Variants in CHRM3 observed in about 807,000 individuals in gnomAD.
The protein encoded by CHRM3 is muscarinic acetylcholine receptor M3.
A neutral mutation model predicts 41.8 loss-of-function variants in CHRM3; 11 were observed. The ratio of observed to expected loss-of-function variants is 0.26; its 90% CI spans 0.17 to 0.44. CHRM3 has a LOEUF of 0.44. Among genes scored for constraint, CHRM3 ranks in the 20% least tolerant of loss-of-function variants. The pLI, the probability that CHRM3 is intolerant of heterozygous loss-of-function variation, is 1.00. For synonymous variants in CHRM3, 297 were observed against 301.4 expected (o/e 0.99, Z 0.15); for missense variants, 571 against 745.4 (o/e 0.77, Z 2.72).
intron 4 of CHRM3, among the ~76,000 whole-genome samples, chr1:239,672,987 A>G (rs574607730): frequency 7.2e-4 from 110 of 152,270 alleles, no homozygotes; most frequent in African/African-American, 2.6e-3. Context: ...TTAGGGCACC[A>G]TGTGAGACTC....
At chr1:239,639,671 A>G (rs565448842) in intron 4 of CHRM3, among the ~76,000 whole-genome samples, 2,842 of 151,528 alleles carry the variant, frequency 0.019, 33 homozygotes, top group Non-Finnish European at 0.03. Context: ...GGGCTGAGAC[A>G]ATGGGGTTTT....
At chr1:239,528,502 G>C (rs184741898) in intron 2 of CHRM3, among the ~76,000 whole-genome samples, 136 of 152,282 alleles carry the variant, frequency 8.9e-4, no homozygotes, top group African/African-American at 3.2e-3. Flanking sequence ...ACATTCCAAA[G>C]CATGACTGAA....
At chr1:239,472,835 A>G (rs1558248859) in intron 1 of CHRM3, among the ~76,000 whole-genome samples, 2 of 152,246 alleles carry the variant, frequency 1.3e-5, no homozygotes, top group East Asian at 3.9e-4. Flanking sequence ...GCACATGTTT[A>G]TCTTTGTAAC....
chr1:239,500,450 A>C (rs1197132110), intron 2 of CHRM3, among the ~76,000 whole-genome samples: 4 of 147,122 alleles, frequency 2.7e-5, no homozygotes, highest in African/African-American at 1.0e-4. Flanking sequence ...GGAACATCAC[A>C]TACCAGGGCC....
chr1:239,842,253 G>A (rs115059053), intron 6 of CHRM3, among the ~76,000 whole-genome samples: 2,458 of 145,530 alleles, frequency 0.017, 74 homozygotes, highest in African/African-American at 0.059. Context: ...ACAGAGTCCC[G>A]CTGTGTCACC....
At chr1:239,608,618 T>C (rs1416980661) in intron 3 of CHRM3, among the ~76,000 whole-genome samples, 1 of 152,148 alleles carries the variant, frequency 6.6e-6, no homozygotes, top group Non-Finnish European at 1.5e-5. Flanking sequence ...ACATTTCGTA[T>C]CTTTGAGCAC....
At chr1:239,477,849 A>C (rs1666570230) in intron 1 of CHRM3, among the ~76,000 whole-genome samples, 1 of 152,208 alleles carries the variant, frequency 6.6e-6, no homozygotes, top group Non-Finnish European at 1.5e-5. Context: ...ACCCCTTGGA[A>C]GTACTCTGGA....
rs530125902 is a variant in CHRM3, at chr1:239,581,398, C to G, written c.-313+35649C>G. On this transcript the variant is annotated intron_variant, in intron 3 of 6. Coordinates refer to ENST00000676153, the MANE Select transcript of CHRM3 (RefSeq NM_001375978.1). ...GACAAAGTTAGGATTCAAATACGGG[C>G]CTGTTTAACATCATTGCTTTTTCAT... 1.6e-4 allele frequency among the ~76,000 whole-genome samples: 20 copies of G among 123,874 alleles called. No homozygotes were observed. In the South Asian group the frequency reaches 5.3e-3, roughly 33 times the overall value. The allele number at this position is 123,874 out of a possible 152,430, so 81.3% of individuals were successfully genotyped here.
chr1:239,518,415 G>A (rs1669414921), intron 2 of CHRM3, among the ~76,000 whole-genome samples: 2 of 152,144 alleles, frequency 1.3e-5, no homozygotes, highest in South Asian at 4.1e-4. Flanking sequence ...CATATTATAA[G>A]TAGGAGGCTC....
chr1:239,792,514 T>G (rs1428414388), intron 5 of CHRM3, among the ~76,000 whole-genome samples: 1 of 152,226 alleles, frequency 6.6e-6, no homozygotes, highest in East Asian at 1.9e-4. Flanking sequence ...CTGAGCAACT[T>G]TCAATATGAA....
In CHRM3 at chr1:239,913,385, C is replaced by T. The variant is rs1680471091; in HGVS notation, c.*4161C>T. The T allele has an allele frequency of 6.0e-6, 1 of 167,006 alleles. No individual in the cohort carries two copies. Among genetic ancestry groups the T allele is most frequent in the African/African-American group, 2.4e-5 (1 of 41,426 alleles). 10.3% of individuals were successfully genotyped at this position (167,006 alleles called of 1,614,324 possible). A position where few individuals can be genotyped will look rare whatever the true frequency, so the allele number is the denominator to read the frequency against. On this transcript the variant is annotated 3_prime_UTR_variant, in exon 7 of 7. Transcript: ENST00000676153. ...AACCTAAAGAACCCTACTTCTAGCA[C>T]CTCCTCTGAAAGAATATTTTGCTCC... is the stretch of plus-strand genomic sequence containing the variant.
intron 2 of CHRM3, among the ~76,000 whole-genome samples, chr1:239,536,759 G>T (rs975674420): frequency 1.3e-4 from 20 of 152,074 alleles, no homozygotes; most frequent in African/African-American, 4.8e-4. Flanking sequence ...GAAAACCAAG[G>T]TCTTTTCAGA....
intron 1 of CHRM3, among the ~76,000 whole-genome samples, chr1:239,464,595 C>T (rs1422182925): frequency 6.6e-6 from 1 of 152,138 alleles, no homozygotes; most frequent in Non-Finnish European, 1.5e-5. Context: ...ATTGAAGGCA[C>T]AAATTATTTG....
chr1:239,868,537 A>C (rs1257448427), intron 6 of CHRM3, among the ~76,000 whole-genome samples: 1 of 152,116 alleles, frequency 6.6e-6, no homozygotes, highest in Non-Finnish European at 1.5e-5. Context: ...CACTACTATA[A>C]ACTTTAAGCT....
At chr1:239,402,324 T>G (rs2102985159) in intron 1 of CHRM3, among the ~76,000 whole-genome samples, 1 of 152,302 alleles carries the variant, frequency 6.6e-6, no homozygotes, top group African/African-American at 2.4e-5. Flanking sequence ...CTATTGAATT[T>G]TCCTAAACTG....
rs570083687 is a variant in CHRM3, at chr1:239,500,790, C to T, written c.-422+7983C>T. Among the ~76,000 whole-genome samples, 4 of 151,972 alleles carry T rather than the reference C, an allele frequency of 2.6e-5. No homozygotes were observed. In the East Asian group the frequency reaches 7.7e-4, roughly 29 times the overall value. On this transcript the variant is annotated intron_variant, in intron 2 of 6. Coordinates refer to ENST00000676153, the MANE Select transcript of CHRM3 (RefSeq NM_001375978.1). ...ACAGTACATCACATTTCAGTACTAA[C>T]CTTGAATGTAAGTGGCCTAAATGCT...
chr1:239,433,340 G>T (rs1217328329), intron 1 of CHRM3, among the ~76,000 whole-genome samples: 1 of 152,104 alleles, frequency 6.6e-6, no homozygotes, highest in Non-Finnish European at 1.5e-5. Flanking sequence ...CCCATATTTT[G>T]CTCTAAGCAC....
At chr1:239,455,310 C>T (rs1266088912) in intron 1 of CHRM3, among the ~76,000 whole-genome samples, 1 of 152,102 alleles carries the variant, frequency 6.6e-6, no homozygotes, top group African/African-American at 2.4e-5. Context: ...CTCAGCCTCC[C>T]AAAGTGCTGG....
At chr1:239,902,825 A>G (rs1226086685) in intron 6 of CHRM3, among the ~76,000 whole-genome samples, 1 of 152,206 alleles carries the variant, frequency 6.6e-6, no homozygotes, top group Non-Finnish European at 1.5e-5. Context: ...GGGTAAGCAA[A>G]TGCCTATAAG....
Sources: gnomAD v4.1 joint callset for allele counts (sites outside exome capture counted in the v4.1 genomes callset) on GRCh38, gnomAD v4.1.1 for gene constraint, MANE v1.5 for transcripts, NCBI Gene and HGNC (gene_info 2026-07-23, HGNC 2026-07-21) for gene names.